Variants in DOCK3 observed in about 807,000 individuals in gnomAD.
DOCK3 encodes dedicator of cytokinesis 3.
A neutral mutation model predicts 265.6 loss-of-function variants in DOCK3; 60 were observed. The observed-to-expected ratio is 0.23, with a 90% CI of 0.18 to 0.28. The LOEUF (loss-of-function observed/expected upper bound fraction) is 0.28. Among genes scored for constraint, DOCK3 ranks in the 10% least tolerant of loss-of-function variants. DOCK3 has a pLI of 1.00. For missense variants in DOCK3, 1,981 were observed against 2,594.3 expected (o/e 0.76, Z 5.14); for synonymous variants, 881 against 938.0 (o/e 0.94, Z 1.11).
intron 5 of DOCK3, among the ~76,000 whole-genome samples, chr3:51,032,557 A>G (rs891600199): frequency 1.3e-5 from 2 of 151,950 alleles, no homozygotes; most frequent in African/African-American, 4.8e-5. Context: ...TTGTGTTCCT[A>G]TATAAGGAGA....
chr3:51,066,900 A>G (rs2081609768), intron 6 of DOCK3, among the ~76,000 whole-genome samples: 2 of 152,174 alleles, frequency 1.3e-5, no homozygotes, highest in Admixed American at 6.5e-5. Flanking sequence ...ACTACCTTCT[A>G]TAATAGTGTA....
intron 5 of DOCK3, among the ~76,000 whole-genome samples, chr3:50,970,893 A>T (rs1373370939): frequency 1.0e-3 from 5 of 4,946 alleles, no homozygotes; most frequent in East Asian, 6.0e-3. Context: ...TCTAATTTTT[A>T]TATATATATA....
intron 2 of DOCK3, among the ~76,000 whole-genome samples, chr3:50,780,285 T>C (rs962754787): frequency 3.9e-5 from 6 of 152,194 alleles, no homozygotes; most frequent in Non-Finnish European, 8.8e-5. Context: ...CACTGAGATC[T>C]AAAAGTGAGA....
chr3:51,322,369 A>AT (rs1164020648), intron 32 of DOCK3, among the ~76,000 whole-genome samples: 1 of 151,896 alleles, frequency 6.6e-6, no homozygotes, highest in Non-Finnish European at 1.5e-5. Context: ...TGCCCGGCTA[A>AT]TTTTTTTGTA....
At chr3:50,863,462 C>G (rs768730691) in intron 3 of DOCK3, 7 of 519,728 alleles carry the variant, frequency 1.3e-5, no homozygotes, top group South Asian at 9.8e-5. Flanking sequence ...TAGAATGTTA[C>G]AAGGGTGAGT....
chr3:51,290,505 A>G (rs1305906577), intron 27 of DOCK3, among the ~76,000 whole-genome samples: 1 of 152,042 alleles, frequency 6.6e-6, no homozygotes, highest in Non-Finnish European at 1.5e-5. Context: ...TGGACACAGG[A>G]AGGGGAGCAT....
intron 9 of DOCK3, among the ~76,000 whole-genome samples, chr3:51,097,158 T>C (rs1465422036): frequency 1.3e-5 from 2 of 152,198 alleles, no homozygotes; most frequent in Non-Finnish European, 2.9e-5. Context: ...CGTTGCTGTC[T>C]TCAGATTCAC....
At chr3:50,822,156 A>G (rs977580831) in intron 2 of DOCK3, among the ~76,000 whole-genome samples, 4 of 152,050 alleles carry the variant, frequency 2.6e-5, no homozygotes, top group African/African-American at 9.7e-5. Flanking sequence ...TTGTGCATTT[A>G]TTTGTGTCAT....
chr3:51,131,154 TAC>T (rs2084514804), intron 9 of DOCK3, among the ~76,000 whole-genome samples: 2 of 152,250 alleles, frequency 1.3e-5, no homozygotes, highest in Admixed American at 1.3e-4. Context: ...CTATGCCAAT[TAC>T]GCATTCAGGC....
chr3:50,893,014 G>C (rs2048712765), intron 4 of DOCK3, among the ~76,000 whole-genome samples: 1 of 152,082 alleles, frequency 6.6e-6, no homozygotes, highest in Non-Finnish European at 1.5e-5. Flanking sequence ...AGAAGGCACA[G>C]AACCCTGAGA....
At chr3:50,969,409 A>T (rs2077129173) in intron 5 of DOCK3, among the ~76,000 whole-genome samples, 1 of 151,988 alleles carries the variant, frequency 6.6e-6, no homozygotes, top group Admixed American at 6.6e-5. Context: ...ATATGGTTGG[A>T]TCCTGTTTTT....
chr3:50,939,375 A>G (rs1029385122), intron 5 of DOCK3, among the ~76,000 whole-genome samples: 5 of 152,134 alleles, frequency 3.3e-5, no homozygotes, highest in Non-Finnish European at 4.4e-5. Context: ...TTCCTAATTC[A>G]TCTTATGAGG....
chr3:50,716,714 C>G (rs1385932832), intron 1 of DOCK3, among the ~76,000 whole-genome samples: 1 of 151,478 alleles, frequency 6.6e-6, no homozygotes, highest in Non-Finnish European at 1.5e-5. Context: ...ATCTTTGGAA[C>G]CTAAATTAGG....
chr3:51,263,676 A>G (rs2079991364), intron 23 of DOCK3, among the ~76,000 whole-genome samples: 1 of 152,236 alleles, frequency 6.6e-6, no homozygotes, highest in Non-Finnish European at 1.5e-5. Context: ...CAGGAGACCC[A>G]TCTCACATGC....
chr3:50,919,118 A>G (rs1006223053), intron 4 of DOCK3, among the ~76,000 whole-genome samples: 10 of 152,090 alleles, frequency 6.6e-5, no homozygotes, highest in Non-Finnish European at 1.0e-4. Flanking sequence ...CCATTGGTCT[A>G]TATCTCTGTT....
chr3:51,126,613 G>T (rs1049656915), intron 9 of DOCK3, among the ~76,000 whole-genome samples: 5 of 152,180 alleles, frequency 3.3e-5, no homozygotes, highest in African/African-American at 9.7e-5. Context: ...TGTCATCAGA[G>T]CCTTGCCCCC....
intron 5 of DOCK3, among the ~76,000 whole-genome samples, chr3:51,039,211 G>T (rs1048468577): frequency 3.3e-5 from 5 of 152,148 alleles, no homozygotes; most frequent in South Asian, 2.1e-4. Context: ...GGCCAGGCTG[G>T]TCTCAAACTC....
chr3:51,035,405 G>A (rs959071645), intron 5 of DOCK3, among the ~76,000 whole-genome samples: 2 of 152,014 alleles, frequency 1.3e-5, no homozygotes, highest in African/African-American at 4.8e-5. Flanking sequence ...CTGTGTTTCT[G>A]TTCTAAAATT....
rs2083344455 is a variant in DOCK3, at chr3:51,107,685, A to G, written c.746+17301A>G. Among the ~76,000 whole-genome samples, 3 of 152,228 alleles carry G rather than the reference A, an allele frequency of 2.0e-5. No homozygotes were observed. The South Asian group carries it at 6.2e-4, about 32-fold the overall frequency. On this transcript the variant is annotated intron_variant, in intron 9 of 52. Transcript: ENST00000266037. ...AAACAAAACTTCCGATAAATATAGG[A>G]TTATCAAGAGATTGAATCTGCAACT...
Sources: gnomAD v4.1 joint callset for allele counts (sites outside exome capture counted in the v4.1 genomes callset) on GRCh38, gnomAD v4.1.1 for gene constraint, MANE v1.5 for transcripts, NCBI Gene and HGNC (gene_info 2026-07-23, HGNC 2026-07-21) for gene names.